The following NUP214 variants were observed in gnomAD, a reference collection of about 807,000 sequenced individuals.
NUP214 encodes the protein nucleoporin 214, also known as nuclear pore complex protein Nup214.
Under a neutral mutation model 196.2 loss-of-function variants are expected in NUP214, and 79 were observed. That is an observed-to-expected ratio of 0.40 (90% CI 0.34 to 0.49). The LOEUF is 0.49. Ranked by LOEUF, NUP214 falls within the 20% of genes least tolerant of loss-of-function variation. The probability of loss-of-function intolerance (pLI) is 0.58; values close to 1 mark genes in which losing one functional copy is unlikely to be tolerated. For synonymous variants in NUP214, 1,020 were observed against 990.5 expected (o/e 1.03, Z -0.56); for missense variants, 2,468 against 2,539.0 (o/e 0.97, Z 0.60).
intron 30 of NUP214, among the ~76,000 whole-genome samples, chr9:131,207,919 G>A (rs537088465): frequency 6.6e-6 from 1 of 152,174 alleles, no homozygotes; most frequent in Admixed American, 6.5e-5. Flanking sequence ...TGTTGGCAGT[G>A]ATGGGGGCAA....
chr9:131,144,596 T>C lies in NUP214; in HGVS notation c.1611T>C (p.Ser537=), dbSNP rs1832028062. The C allele has an allele frequency of 6.2e-7, 1 of 1,614,102 alleles. No individual in the cohort carries two copies. The highest frequency in any genetic ancestry group is 8.5e-7 in the Non-Finnish European group (1 of 1,180,028). ...KASLAPTPAA[S]PVAPSAASFS... is the part of the protein sequence containing the mutation. ...CCCTAGCCCCCACCCCTGCAGCGTC[T>C]CCTGTGGCTCCATCAGCTGCTTCAT... The change falls in exon 12 of 36, where the codon TCT becomes TCC. Residue 537 remains serine (S), a synonymous_variant. Coordinates refer to ENST00000359428, the MANE Select transcript of NUP214 (RefSeq NM_005085.4).
chr9:131,133,836 C>T (rs1831634828), intron 7 of NUP214: 1 of 152,128 alleles, frequency 6.6e-6, no homozygotes, highest in Non-Finnish European at 1.5e-5. Context: ...TTCATTTGCT[C>T]TCGAATATTT....
In NUP214 at chr9:131,139,426, T is replaced by G. The variant is rs745477018; in HGVS notation, c.1132+19T>G. 7 of 1,600,232 alleles carry G rather than the reference T, an allele frequency of 4.4e-6. No homozygotes were observed. The highest frequency in any genetic ancestry group is 6.0e-6 in the Non-Finnish European group (7 of 1,175,794). ...ACCATCAGTAAGTGTAGCCTGGTAGTTAGTGCAGAAATAGTCTTCTTTCTA... is the reference window on the plus strand; with the variant it reads ...ACCATCAGTAAGTGTAGCCTGGTAGGTAGTGCAGAAATAGTCTTCTTTCTA... On this transcript the variant is annotated intron_variant, in intron 10 of 35. Transcript: ENST00000359428.
intron 7 of NUP214, chr9:131,133,762 A>G (rs1887272): frequency 0.27 from 41,102 of 152,076 alleles, 5,828 homozygotes; most frequent in East Asian, 0.42. Context: ...GCTATAAACT[A>G]TGAGTCTTGG....
intron 6 of NUP214, chr9:131,132,887 C>T (rs375770452): frequency 6.5e-6 from 4 of 618,354 alleles, no homozygotes; most frequent in Non-Finnish European, 1.1e-5. Flanking sequence ...TATTACAATT[C>T]TTCATAATTT....
At chr9:131,157,826 A>G (rs898991686) in intron 17 of NUP214, among the ~76,000 whole-genome samples, 6 of 151,490 alleles carry the variant, frequency 4.0e-5, no homozygotes, top group African/African-American at 1.5e-4. Context: ...TTGTATTTTT[A>G]GTAGAGATGG....
chr9:131,151,284 A>G (rs998023626), intron 16 of NUP214, among the ~76,000 whole-genome samples: 3 of 152,212 alleles, frequency 2.0e-5, no homozygotes, highest in Non-Finnish European at 4.4e-5. Context: ...TTGCTGTGTC[A>G]TACATACTGT....
At chr9:131,231,341 G>A (rs1834872556) in intron 34 of NUP214, among the ~76,000 whole-genome samples, 1 of 152,208 alleles carries the variant, frequency 6.6e-6, no homozygotes, top group Admixed American at 6.5e-5. Context: ...ACAGGCGCCC[G>A]CCACCAGGCC....
intron 31 of NUP214, 89 bp from the exon 32 acceptor site, chr9:131,222,689 A>G (rs1278527005): frequency 1.2e-5 from 18 of 1,463,414 alleles, no homozygotes; most frequent in East Asian, 2.4e-5. Flanking sequence ...CATCTTTCCA[A>G]ACACCCAACT....
chr9:131,201,985 A>C (rs1371980108), intron 30 of NUP214, among the ~76,000 whole-genome samples: 2 of 152,170 alleles, frequency 1.3e-5, no homozygotes, highest in African/African-American at 4.8e-5. Context: ...TTCTTTAGAC[A>C]CAGGATCTTG....
intron 17 of NUP214, among the ~76,000 whole-genome samples, chr9:131,152,348 T>G (rs1832297373): frequency 6.6e-6 from 1 of 152,174 alleles, no homozygotes; most frequent in Non-Finnish European, 1.5e-5. Flanking sequence ...CTTGAACTCC[T>G]GGGGTCAAGC....
At chr9:131,190,747 T>G (rs891726435) in intron 26 of NUP214, 1 of 319,898 alleles carries the variant, frequency 3.1e-6, no homozygotes, top group African/African-American at 2.2e-5. Context: ...AGATCATGAT[T>G]TCATGTATAT....
intron 27 of NUP214, among the ~76,000 whole-genome samples, chr9:131,192,965 A>C (rs1833652322): frequency 6.6e-6 from 1 of 151,004 alleles, no homozygotes; most frequent in African/African-American, 2.4e-5. Context: ...AAAAAAAAAA[A>C]AAAGGCTTAC....
At chr9:131,187,408 A>G (rs1404483630) in intron 25 of NUP214, 44 bp downstream of exon 25, 40 of 1,171,594 alleles carry the variant, frequency 3.4e-5, no homozygotes, top group Non-Finnish European at 4.7e-5. Context: ...TTTTTTTGAG[A>G]CAGAGTCTTA....
chr9:131,177,222 A>G (rs1239228842), intron 23 of NUP214, among the ~76,000 whole-genome samples: 3 of 152,246 alleles, frequency 2.0e-5, no homozygotes, highest in Non-Finnish European at 4.4e-5. Flanking sequence ...TAAAACCTTT[A>G]TTAAGACATC....
Position 131,222,807 on chromosome 9 carries a change from G to A in NUP214, c.5779G>A (p.Ala1927Thr), listed in dbSNP as rs779037174. ...NTSNLFGNSG[A>T]KTFGGFASSS... ...CTCTAACCTATTTGGAAACAGTGGG[G>A]CCAAGACATTTGGTGGATTTGCCAG... The change falls in exon 32 of 36, where the codon GCC becomes ACC. Residue 1927 changes from alanine (A) to threonine (T), a missense_variant. Transcript: ENST00000359428. The A allele has an allele frequency of 8.1e-6, 13 of 1,614,010 alleles. No individual in the cohort carries two copies. The South Asian group carries it at 1.4e-4, about 18-fold the overall frequency.
intron 27 of NUP214, among the ~76,000 whole-genome samples, chr9:131,192,979 A>G (rs981026087): frequency 1.3e-5 from 2 of 148,270 alleles, no homozygotes; most frequent in South Asian, 2.1e-4. Flanking sequence ...GGCTTACTGC[A>G]TCGAGAGTAC....
chr9:131,155,268 T>C (rs1044678302), intron 17 of NUP214, among the ~76,000 whole-genome samples: 1 of 152,216 alleles, frequency 6.6e-6, no homozygotes, highest in Admixed American at 6.5e-5. Context: ...TTTTTGGATG[T>C]TTGTCAACCA....
chr9:131,190,503 CTTT>C lies in NUP214; in HGVS notation c.3574+1376_3574+1378del, dbSNP rs550913705. 5.0e-5 allele frequency: 34 copies of C among 683,146 alleles called. No individual in the cohort carries two copies. The East Asian group carries it at 9.4e-4, about 19-fold the overall frequency. 42.3% of individuals were successfully genotyped at this position (683,146 alleles called of 1,614,324 possible). Reference sequence around the variant, plus strand: ...CAGGTAATCAAGGTTTAGAAAAGAACTTTTTTCTTTTGGTAGGAAAACTTCCCT... The same window carrying C: ...CAGGTAATCAAGGTTTAGAAAAGAACTTTCTTTTGGTAGGAAAACTTCCCT... On this transcript the variant is annotated intron_variant, in intron 26 of 35. Coordinates refer to ENST00000359428, the MANE Select transcript of NUP214 (RefSeq NM_005085.4).
Sources: allele counts gnomAD v4.1 joint callset (sites outside exome capture counted in the v4.1 genomes callset), GRCh38; gene constraint gnomAD v4.1.1; transcripts MANE v1.5; gene names NCBI Gene and HGNC (gene_info 2026-07-23, HGNC 2026-07-21).